PTPN14: variants seen among roughly 807,000 people sequenced by gnomAD.
The protein encoded by PTPN14 is protein tyrosine phosphatase non-receptor type 14, also known as tyrosine-protein phosphatase non-receptor type 14.
PTPN14 carries 53 observed loss-of-function variants against 126.8 expected under a neutral mutation model. The observed-to-expected ratio is 0.42, with a 90% CI of 0.34 to 0.53. The LOEUF is 0.53. Among genes scored for constraint, PTPN14 ranks in the 20% least tolerant of loss-of-function variants. The pLI, the probability that PTPN14 is intolerant of heterozygous loss-of-function variation, is 0.08. For missense variants in PTPN14, 1,257 were observed against 1,552.9 expected, an observed-to-expected ratio of 0.81 and a Z score of 3.20; for synonymous variants, 630 against 599.3, an observed-to-expected ratio of 1.05 and a Z score of -0.75.
intron 1 of PTPN14, among the ~76,000 whole-genome samples, chr1:214,481,791 C>G (rs1404538771): frequency 6.6e-6 from 1 of 151,790 alleles, no homozygotes; most frequent in African/African-American, 2.4e-5. Context: ...CAAGATCATC[C>G]TGGCTAACAC....
chr1:214,371,934 A>G (rs1396042542), intron 16 of PTPN14, among the ~76,000 whole-genome samples: 2 of 152,220 alleles, frequency 1.3e-5, no homozygotes, highest in Non-Finnish European at 2.9e-5. Flanking sequence ...GGCCACTGCA[A>G]TACCATGGAT....
intron 3 of PTPN14, among the ~76,000 whole-genome samples, chr1:214,433,921 T>TA (rs1659848231): frequency 2.9e-5 from 2 of 67,814 alleles, no homozygotes; most frequent in Admixed American, 1.7e-4. Flanking sequence ...AGACATTATT[T>TA]CCACACACAC....
intron 1 of PTPN14, among the ~76,000 whole-genome samples, chr1:214,488,975 G>A (rs1242936454): frequency 6.6e-6 from 1 of 152,148 alleles, no homozygotes; most frequent in Non-Finnish European, 1.5e-5. Context: ...AGCATTCAAA[G>A]ACATCAGAAT....
At chr1:214,491,165 T>A (rs148457056) in intron 1 of PTPN14, among the ~76,000 whole-genome samples, 1 of 152,130 alleles carries the variant, frequency 6.6e-6, no homozygotes. Flanking sequence ...TTCTTTAATA[T>A]GATTTTTAAA....
chr1:214,444,643 A>G (rs1219730643), intron 3 of PTPN14, among the ~76,000 whole-genome samples: 1 of 152,180 alleles, frequency 6.6e-6, no homozygotes, highest in Non-Finnish European at 1.5e-5. Context: ...TCTAAGGGGG[A>G]AAAGTATTGG....
intron 18 of PTPN14, among the ~76,000 whole-genome samples, chr1:214,358,376 C>G (rs1343135527): frequency 6.6e-6 from 1 of 152,178 alleles, no homozygotes; most frequent in Non-Finnish European, 1.5e-5. Context: ...AAGCAGTCCT[C>G]CTACCTGAGT....
chr1:214,503,985 T>C lies in PTPN14; in HGVS notation c.-154-39028A>G, dbSNP rs370383358. On this transcript the variant is annotated intron_variant, in intron 1 of 18. Transcript: ENST00000366956. ...TCTTGTGATGGAGAAGTGTGAGAAA[T>C]AGTCAGGAAACTTGGGTGCCTTCCT... Among the ~76,000 whole-genome samples, 94 of 152,250 alleles carry C rather than the reference T, an allele frequency of 6.2e-4. No homozygotes were observed. In the South Asian group the frequency reaches 0.018, roughly 30 times the overall value.
intron 3 of PTPN14, among the ~76,000 whole-genome samples, chr1:214,435,240 C>CTG (rs749181690): frequency 6.6e-5 from 10 of 150,896 alleles, no homozygotes; most frequent in African/African-American, 1.5e-4. Context: ...AGTGTGTCTG[C>CTG]TGTGTGTGTG....
At chr1:214,471,430 C>A (rs1057201216) in intron 1 of PTPN14, among the ~76,000 whole-genome samples, 6 of 152,152 alleles carry the variant, frequency 3.9e-5, no homozygotes, top group African/African-American at 1.4e-4. Context: ...GAAGTTAATA[C>A]ATACCCTACC....
intron 14 of PTPN14, among the ~76,000 whole-genome samples, chr1:214,377,681 T>C (rs928955542): frequency 1.3e-5 from 2 of 152,018 alleles, no homozygotes; most frequent in Admixed American, 6.6e-5. Context: ...CCCAAAGAAA[T>C]TGAGTGACTT....
chr1:214,354,994 G>A lies in PTPN14; in HGVS notation c.*2928C>T, dbSNP rs1657783642. On this transcript the variant is annotated 3_prime_UTR_variant, in exon 19 of 19. Transcript: ENST00000366956. Reference sequence around the variant, plus strand: ...AGATGCCACCGAAAGGACTTTAAATGGCTGCTGCTAATTTAACAGGAGATA... The same window carrying A: ...AGATGCCACCGAAAGGACTTTAAATAGCTGCTGCTAATTTAACAGGAGATA... 1 of 152,178 alleles carries A rather than the reference G, an allele frequency of 6.6e-6. No homozygotes were observed. Among genetic ancestry groups the A allele is most frequent in the African/African-American group, 2.4e-5 (1 of 41,436 alleles). 9.4% of individuals were successfully genotyped at this position (152,178 alleles called of 1,614,324 possible). A position where few individuals can be genotyped will look rare whatever the true frequency, so the allele number is the denominator to read the frequency against.
At chr1:214,376,007 T>C (rs1237848594) in intron 15 of PTPN14, among the ~76,000 whole-genome samples, 1 of 152,104 alleles carries the variant, frequency 6.6e-6, no homozygotes, top group Non-Finnish European at 1.5e-5. Flanking sequence ...TGACCTGAAG[T>C]TCTTCCTGAG....
At position 214,373,144 on chromosome 1, in the gene PTPN14, T is replaced by TC. The variant is rs533097037; in HGVS notation, c.2908-306dup. Among the ~76,000 whole-genome samples, 437 of 152,284 alleles carry TC rather than the reference T, an allele frequency of 2.9e-3. 1 individual carries two copies. Among genetic ancestry groups the TC allele is most frequent in the African/African-American group, 1.0e-2 (415 of 41,570 alleles). On this transcript the variant is annotated intron_variant, in intron 15 of 18. Coordinates refer to ENST00000366956, the MANE Select transcript of PTPN14 (RefSeq NM_005401.5). The stretch of plus-strand genomic sequence containing the variant: ...ATCTTGGCTCACTGCAACCTCCGCC[T>TC]CCTGGGTTCAAGCAATTCTCCCGTC...
rs573722666 is a variant in PTPN14 at position 214,537,258 on chromosome 1, C to T, written c.-155+13925G>A. Among the ~76,000 whole-genome samples, 5 of 152,118 alleles carry T rather than the reference C, an allele frequency of 3.3e-5. No individual in the cohort carries two copies. In the East Asian group the frequency reaches 9.7e-4, roughly 29 times the overall value. ...CACTGCTAGGGAAAATAATGGGTAC[C>T]CCCGGTAGATACTAATGAGCAGAAG... On this transcript the variant is annotated intron_variant, in intron 1 of 18. Transcript: ENST00000366956.
intron 3 of PTPN14, among the ~76,000 whole-genome samples, chr1:214,419,692 A>C (rs1434584884): frequency 1.3e-5 from 2 of 152,170 alleles, no homozygotes; most frequent in Non-Finnish European, 2.9e-5. Flanking sequence ...AAAAGACAAA[A>C]AAAAGAGGGA....
At chr1:214,403,708 G>A (rs1046996123) in intron 5 of PTPN14, among the ~76,000 whole-genome samples, 2 of 152,188 alleles carry the variant, frequency 1.3e-5, no homozygotes, top group East Asian at 1.9e-4. Context: ...TGCTTAGGAT[G>A]GTGAGATGGA....
intron 2 of PTPN14, among the ~76,000 whole-genome samples, chr1:214,456,119 C>CTT (rs5780784): frequency 0.38 from 57,693 of 151,880 alleles, 11,227 homozygotes; most frequent in East Asian, 0.53. Context: ...ATGGCACAGA[C>CTT]TAATGCTATT....
At chr1:214,520,298 A>G (rs760606164) in intron 1 of PTPN14, among the ~76,000 whole-genome samples, 7 of 151,892 alleles carry the variant, frequency 4.6e-5, no homozygotes, top group Non-Finnish European at 1.0e-4. Context: ...CTACATCTAA[A>G]CCAATAAATA....
At chr1:214,396,378 ACTCT>A (rs1283592143) in intron 8 of PTPN14, among the ~76,000 whole-genome samples, 1 of 152,096 alleles carries the variant, frequency 6.6e-6, no homozygotes, top group Non-Finnish European at 1.5e-5. Context: ...CTGGGGCAAT[ACTCT>A]CTAATAGTGC....
Sources: gnomAD v4.1 joint callset for allele counts (sites outside exome capture counted in the v4.1 genomes callset) on GRCh38, gnomAD v4.1.1 for gene constraint, MANE v1.5 for transcripts, NCBI Gene and HGNC (gene_info 2026-07-23, HGNC 2026-07-21) for gene names.